The following KHDRBS2 variants were observed in gnomAD, a reference collection of about 807,000 sequenced individuals.
KHDRBS2 encodes KH domain-containing, RNA-binding, signal transduction-associated protein 2.
A neutral mutation model predicts 44.3 loss-of-function variants in KHDRBS2; 26 were observed. The observed-to-expected ratio is 0.59, with a 90% CI of 0.43 to 0.81. The LOEUF (loss-of-function observed/expected upper bound fraction) is 0.81. Among genes scored for constraint, KHDRBS2 ranks in the 40% least tolerant of loss-of-function variants. The probability of loss-of-function intolerance (pLI) is 0.00; values close to 1 mark genes in which losing one functional copy is unlikely to be tolerated. For missense variants in KHDRBS2, 476 were observed against 433.1 expected (o/e 1.10, Z -0.88); for synonymous variants, 194 against 151.1 (o/e 1.28, Z -2.08).
rs182378915 is a variant in KHDRBS2, at chr6:62,166,384, C to A, written c.219+10801G>T. Among the ~76,000 whole-genome samples, 83 of 151,976 alleles carry A rather than the reference C, an allele frequency of 5.5e-4. 1 individual carries two copies. The highest frequency in any genetic ancestry group is 6.8e-3 in the Middle Eastern group (2 of 294). On this transcript the variant is annotated intron_variant, in intron 2 of 8. Transcript: ENST00000281156. ...TATTTTTTGTGACATCCTTGTGAAACCCATATATTTTTAAGAAGGTTCTTT... is the reference window on the plus strand; with the variant it reads ...TATTTTTTGTGACATCCTTGTGAAAACCATATATTTTTAAGAAGGTTCTTT...
chr6:61,625,640 T>C, the KHDRBS2 span, among the ~76,000 whole-genome samples: 16 of 152,124 alleles, frequency 1.1e-4, no homozygotes, highest in South Asian at 2.1e-4. Context: ...CTGTTCACCC[T>C]ACCCAAGCTC....
At position 62,117,811 on chromosome 6, in the gene KHDRBS2, T is replaced by C. The variant is rs540984371; in HGVS notation, c.219+59374A>G. ...TTTTTTTTGAGATGGAGTCTCGCTC[T>C]GTCACCCAGGCTGGAGTGCAGTGGC... On this transcript the variant is annotated intron_variant, in intron 2 of 8. Transcript: ENST00000281156. Among the ~76,000 whole-genome samples, 30 of 152,256 alleles carry C rather than the reference T, an allele frequency of 2.0e-4. 1 individual carries two copies. In the South Asian group the frequency reaches 6.2e-3, roughly 32 times the overall value.
intron 8 of KHDRBS2, among the ~76,000 whole-genome samples, chr6:61,691,996 C>T (rs1438860443): frequency 9.9e-5 from 15 of 152,144 alleles, no homozygotes; most frequent in Non-Finnish European, 1.9e-4. Flanking sequence ...GCATAATTAA[C>T]TCTTTAGCTC....
chr6:61,900,392 T>A lies in KHDRBS2; in HGVS notation c.611+852A>T, dbSNP rs117022659. Among the ~76,000 whole-genome samples the A allele has an allele frequency of 0.013, 1,924 of 152,234 alleles. 105 individuals carry two copies. The East Asian group carries it at 0.14, about 11-fold the overall frequency. On this transcript the variant is annotated intron_variant, in intron 5 of 8. Coordinates refer to ENST00000281156, the MANE Select transcript of KHDRBS2 (RefSeq NM_152688.4). ...ATATGAAATAATATTTAGATCTCTG[T>A]CCTTTAGAGATTTAAAAGCCAATTA...
intron 3 of KHDRBS2, among the ~76,000 whole-genome samples, chr6:61,979,681 T>G (rs1773442069): frequency 6.6e-6 from 1 of 152,138 alleles, no homozygotes; most frequent in Non-Finnish European, 1.5e-5. Context: ...TACCTAGGAC[T>G]TTTCAACTTG....
chr6:62,210,894 C>T (rs892394456), intron 1 of KHDRBS2, among the ~76,000 whole-genome samples: 1 of 151,982 alleles, frequency 6.6e-6, no homozygotes, highest in African/African-American at 2.4e-5. Flanking sequence ...GCCAGTGAAG[C>T]TTTCTTAATA....
chr6:61,984,396 A>T (rs1774613100), intron 3 of KHDRBS2, among the ~76,000 whole-genome samples: 1 of 152,090 alleles, frequency 6.6e-6, no homozygotes, highest in Non-Finnish European at 1.5e-5. Context: ...AAATGTGGAG[A>T]CCCATTTGGA....
intron 2 of KHDRBS2, among the ~76,000 whole-genome samples, chr6:62,175,933 A>C (rs1378868357): frequency 1.3e-5 from 2 of 151,394 alleles, no homozygotes; most frequent in East Asian, 3.9e-4. Context: ...GCAGGTATTA[A>C]GTCTGTCATT....
chr6:61,795,893 T>A (rs949452838), intron 6 of KHDRBS2, among the ~76,000 whole-genome samples: 1 of 152,102 alleles, frequency 6.6e-6, no homozygotes, highest in African/African-American at 2.4e-5. Context: ...TATCTTAGGA[T>A]TCTCCAAAGT....
chr6:62,086,132 T>C (rs1337696385), intron 2 of KHDRBS2, among the ~76,000 whole-genome samples: 2 of 152,166 alleles, frequency 1.3e-5, no homozygotes, highest in Non-Finnish European at 2.9e-5. Flanking sequence ...CAATTCCATT[T>C]GCCAATTTTC....
chr6:61,920,943 C>T (rs1384031361), intron 4 of KHDRBS2, among the ~76,000 whole-genome samples: 1 of 151,754 alleles, frequency 6.6e-6, no homozygotes, highest in African/African-American at 2.4e-5. Flanking sequence ...AATAAAATGG[C>T]AACGTAAGTG....
chr6:62,235,018 C>G (rs2150162104), intron 1 of KHDRBS2, among the ~76,000 whole-genome samples: 1 of 145,668 alleles, frequency 6.9e-6, no homozygotes, highest in East Asian at 2.0e-4. Flanking sequence ...AAAACTTATT[C>G]TATTAAATGA....
At chr6:61,779,264 T>C (rs771483225) in intron 6 of KHDRBS2, among the ~76,000 whole-genome samples, 1 of 152,232 alleles carries the variant, frequency 6.6e-6, no homozygotes, top group African/African-American at 2.4e-5. Flanking sequence ...ACATCTGAAG[T>C]CCCTTAACTC....
chr6:61,573,658 G>T, the KHDRBS2 span, among the ~76,000 whole-genome samples: 13 of 152,174 alleles, frequency 8.5e-5, no homozygotes, highest in African/African-American at 2.9e-4. Context: ...CTGTGGTGAT[G>T]CATGCCTGCA....
chr6:61,746,031 G>GATTTT (rs1049285682), intron 6 of KHDRBS2, among the ~76,000 whole-genome samples: 49 of 150,380 alleles, frequency 3.3e-4, no homozygotes, highest in Non-Finnish European at 5.6e-4. Flanking sequence ...TTCCCAAAAA[G>GATTTT]ATTTTATTTT....
At chr6:61,773,581 C>A (rs1412666412) in intron 6 of KHDRBS2, among the ~76,000 whole-genome samples, 1 of 148,352 alleles carries the variant, frequency 6.7e-6, no homozygotes, top group Admixed American at 6.7e-5. Context: ...AATTTTCTCC[C>A]ATTTTGTAGG....
rs10527202 is a variant in KHDRBS2, at chr6:61,696,237, T to TTTTATTTATTTATTTATTTATTTA, written c.952+934_952+957dup. ...GTCAGCTAGTGATGCCATATATGTA[T>TTTTATTTATTTATTTATTTATTTA]TTTATTTATTTATTTATTTATTTAT... On this transcript the variant is annotated intron_variant, in intron 8 of 8. Coordinates refer to ENST00000281156, the MANE Select transcript of KHDRBS2 (RefSeq NM_152688.4). Among the ~76,000 whole-genome samples, 166 of 146,118 alleles carry TTTTATTTATTTATTTATTTATTTA rather than the reference T, an allele frequency of 1.1e-3. 1 individual carries two copies. Among genetic ancestry groups the TTTTATTTATTTATTTATTTATTTA allele is most frequent in the Middle Eastern group, 3.5e-3 (1 of 282 alleles).
chr6:61,575,356 T>C, the KHDRBS2 span, among the ~76,000 whole-genome samples: 1 of 151,876 alleles, frequency 6.6e-6, no homozygotes, highest in African/African-American at 2.4e-5. Context: ...AAGAAACATA[T>C]GAAAAAATGC....
In KHDRBS2 at chr6:62,104,625, A is replaced by G. The variant is rs113334386; in HGVS notation, c.220-56631T>C. The stretch of plus-strand genomic sequence containing the variant: ...GGAAAATCAAAACTCAAAAAATCAG[A>G]ATTTGTGGCATATCACCAAAACAAT... On this transcript the variant is annotated intron_variant, in intron 2 of 8. Coordinates refer to ENST00000281156, the MANE Select transcript of KHDRBS2 (RefSeq NM_152688.4). Among the ~76,000 whole-genome samples the G allele has an allele frequency of 5.3e-5, 8 of 152,312 alleles. 1 individual carries two copies. Among genetic ancestry groups the G allele is most frequent in the Admixed American group, 3.3e-4 (5 of 15,304 alleles).
Sources: gnomAD v4.1 joint callset for allele counts (sites outside exome capture counted in the v4.1 genomes callset) on GRCh38, gnomAD v4.1.1 for gene constraint, MANE v1.5 for transcripts, NCBI Gene and HGNC (gene_info 2026-07-23, HGNC 2026-07-21) for gene names.